The following ADARB1 variants were observed in gnomAD, a reference collection of about 807,000 sequenced individuals.
The protein encoded by ADARB1 is double-stranded RNA-specific editase 1.
In ADARB1, 10 loss-of-function variants were observed where a neutral mutation model predicts 52.4. That is an observed-to-expected ratio of 0.19 (90% CI 0.12 to 0.32). ADARB1 has a LOEUF of 0.32. ADARB1 is among the 10% of genes least tolerant of loss of function. The pLI is 1.00. For missense variants in ADARB1, 643 were observed against 922.3 expected (o/e 0.70, Z 3.92); for synonymous variants, 349 against 371.1 (o/e 0.94, Z 0.68).
At chr21:45,085,536 A>C (rs2086306838) in intron 1 of ADARB1, among the ~76,000 whole-genome samples, 1 of 152,220 alleles carries the variant, frequency 6.6e-6, no homozygotes, top group Non-Finnish European at 1.5e-5. Context: ...GAAAGTAGTC[A>C]CATCAAATGC....
Position 45,204,505 on chromosome 21 carries a change from T to A in ADARB1, c.1566-50T>A. 6.3e-7 allele frequency: 1 copy of A among 1,586,290 alleles called. No individual in the cohort carries two copies. Among genetic ancestry groups the A allele is most frequent in the African/African-American group, 1.4e-5 (1 of 72,090 alleles). On this transcript the variant is annotated intron_variant, in intron 8 of 10. Coordinates refer to ENST00000348831, the MANE Select transcript of ADARB1 (RefSeq NM_001112.4). The surrounding 1 kb of genome is among the most constrained non-coding windows in gnomAD (Gnocchi z 4.4). ...CCACGCAGGCTTGGGCTGGGCTGCG[T>A]CGACACTGAGTCCGAGCTCCCTGAA... is the stretch of plus-strand genomic sequence containing the variant.
chr21:45,171,222 C>T (rs2091468730), intron 2 of ADARB1, among the ~76,000 whole-genome samples: 1 of 152,198 alleles, frequency 6.6e-6, no homozygotes, highest in South Asian at 2.1e-4. Context: ...GCCTTTGTCC[C>T]TAGTTCAGCG....
At chr21:45,178,593 T>C (rs2091799013) in intron 4 of ADARB1, among the ~76,000 whole-genome samples, 2 of 152,156 alleles carry the variant, frequency 1.3e-5, no homozygotes, top group South Asian at 4.1e-4. Context: ...CTATTGTCCT[T>C]CAACAGGAAA....
chr21:45,185,610 A>T (rs988053145), intron 8 of ADARB1, among the ~76,000 whole-genome samples: 7 of 152,214 alleles, frequency 4.6e-5, no homozygotes, highest in Non-Finnish European at 8.8e-5. Context: ...CTCTGCAAGC[A>T]CACTTCTGTA....
At chr21:45,080,427 G>A (rs2086109365) in intron 1 of ADARB1, among the ~76,000 whole-genome samples, 1 of 152,182 alleles carries the variant, frequency 6.6e-6, no homozygotes, top group African/African-American at 2.4e-5. Context: ...TAGAAGGGAG[G>A]CGGGACTTCA....
At chr21:45,096,783 T>G (rs1271571910) in intron 1 of ADARB1, among the ~76,000 whole-genome samples, 1 of 152,242 alleles carries the variant, frequency 6.6e-6, no homozygotes, top group Admixed American at 6.5e-5. Context: ...TGAGACAGAG[T>G]CTGTCTCTGT....
chr21:45,193,498 C>G (rs201674487), intron 8 of ADARB1, among the ~76,000 whole-genome samples: 1 of 151,910 alleles, frequency 6.6e-6, no homozygotes, highest in East Asian at 1.9e-4. Flanking sequence ...ATTGTCTGCT[C>G]TCCCCACTTC....
In ADARB1 at chr21:45,090,128, T is replaced by C. The variant is rs113992835; in HGVS notation, c.-220+15335T>C. Among the ~76,000 whole-genome samples, 782 of 152,336 alleles carry C rather than the reference T, an allele frequency of 5.1e-3. 12 individuals carry two copies. The highest frequency in any genetic ancestry group is 0.018 in the African/African-American group (736 of 41,580). On this transcript the variant is annotated intron_variant, in intron 1 of 10. Coordinates refer to ENST00000348831, the MANE Select transcript of ADARB1 (RefSeq NM_001112.4). Reference sequence around the variant, plus strand: ...GGTTTGTCCAAAATAATCTTTATCATGAGTGGCAGTAGAATTTTACCATAT... The same window carrying C: ...GGTTTGTCCAAAATAATCTTTATCACGAGTGGCAGTAGAATTTTACCATAT...
intron 2 of ADARB1, among the ~76,000 whole-genome samples, chr21:45,151,456 A>C (rs746985263): frequency 2.9e-4 from 44 of 152,348 alleles, no homozygotes; most frequent in Middle Eastern, 3.4e-3. Flanking sequence ...ACGAGACAGT[A>C]ATTGCATTGT....
intron 2 of ADARB1, among the ~76,000 whole-genome samples, chr21:45,162,755 C>T (rs1353482426): frequency 2.0e-5 from 3 of 152,160 alleles, no homozygotes; most frequent in Admixed American, 6.5e-5. Context: ...GGGCTTGCTC[C>T]GCCTATAGAA....
At chr21:45,171,860 A>G in intron 3 of ADARB1, 176 bp downstream of exon 3, 3 of 601,536 alleles carry the variant, frequency 5.0e-6, no homozygotes, top group Non-Finnish European at 8.6e-6. Context: ...AGGTGTCAGA[A>G]TTTGCTGCAG....
intron 2 of ADARB1, among the ~76,000 whole-genome samples, chr21:45,139,810 T>G (rs1022314936): frequency 1.3e-5 from 2 of 152,242 alleles, no homozygotes; most frequent in Admixed American, 6.5e-5. Context: ...TCTTGAAATA[T>G]GTGTATTTTC....
At position 45,109,022 on chromosome 21, in the gene ADARB1, CTGAG is replaced by C. The variant is rs923126326; in HGVS notation, c.-219-19378_-219-19375del. Among the ~76,000 whole-genome samples the C allele has an allele frequency of 5.9e-5, 9 of 152,328 alleles. No individual in the cohort carries two copies. In the South Asian group the frequency reaches 8.3e-4, roughly 14 times the overall value. On this transcript the variant is annotated intron_variant, in intron 1 of 10. Coordinates refer to ENST00000348831, the MANE Select transcript of ADARB1 (RefSeq NM_001112.4). ...GGCTGAATCAGCAGAGGCAAAAGGA[CTGAG>C]TAAGTCCTTGCTGAGGATGGCACAG...
At chr21:45,153,323 G>A (rs570640888) in intron 2 of ADARB1, among the ~76,000 whole-genome samples, 35 of 131,476 alleles carry the variant, frequency 2.7e-4, no homozygotes, top group African/African-American at 1.0e-3. Context: ...CTAAATTGCT[G>A]CTTTAAAAGC....
chr21:45,131,787 G>A (rs419322), intron 2 of ADARB1, among the ~76,000 whole-genome samples: 33,227 of 152,216 alleles, frequency 0.22, 3,988 homozygotes, highest in South Asian at 0.3. Context: ...GGCTCTTGGG[G>A]CCAGAAGGAA....
At chr21:45,165,390 A>G (rs566754597) in intron 2 of ADARB1, among the ~76,000 whole-genome samples, 2 of 152,276 alleles carry the variant, frequency 1.3e-5, no homozygotes, top group South Asian at 4.1e-4. Context: ...TCTTATTTTA[A>G]TTATCTCCTT....
chr21:45,098,738 G>A (rs564444525), intron 1 of ADARB1, among the ~76,000 whole-genome samples: 1 of 152,338 alleles, frequency 6.6e-6, no homozygotes, highest in African/African-American at 2.4e-5. Flanking sequence ...GCTGGAGGCT[G>A]TTCTCTTTGG....
Position 45,208,683 on chromosome 21 carries a change from T to A in ADARB1, c.1747+3947T>A, listed in dbSNP as rs1164891238. On this transcript the variant is annotated intron_variant, in intron 9 of 10. Coordinates refer to ENST00000348831, the MANE Select transcript of ADARB1 (RefSeq NM_001112.4). This position sits in a 1 kb window ranked among gnomAD's most constrained non-coding sequence, Gnocchi z 5.6. ...GCATGAGTGCGTGTGTGTATGAGTGTGTGTGCATGTGTGTGTGCACGCTCA... is the reference window on the plus strand; with the variant it reads ...GCATGAGTGCGTGTGTGTATGAGTGAGTGTGCATGTGTGTGTGCACGCTCA... Among the ~76,000 whole-genome samples the A allele has an allele frequency of 2.0e-5, 3 of 151,950 alleles. No individual in the cohort carries two copies. The highest frequency in any genetic ancestry group is 4.4e-5 in the Non-Finnish European group (3 of 67,966).
intron 2 of ADARB1, among the ~76,000 whole-genome samples, chr21:45,132,673 G>A (rs1343948888): frequency 2.0e-5 from 3 of 152,142 alleles, no homozygotes; most frequent in Admixed American, 6.5e-5. Context: ...TGGGGTTGGT[G>A]GCACATTTTT....
Sources: gnomAD v4.1 joint callset for allele counts (sites outside exome capture counted in the v4.1 genomes callset) on GRCh38, gnomAD v4.1.1 for gene constraint, Gnocchi (gnomAD v3.1) non-coding constraint, MANE v1.5 for transcripts, NCBI Gene and HGNC (gene_info 2026-07-23, HGNC 2026-07-21) for gene names.